The following EPM2A variants were observed in gnomAD, a reference collection of about 807,000 sequenced individuals.
EPM2A encodes the protein laforin.
In EPM2A, 21 loss-of-function variants were observed where a neutral mutation model predicts 26.5. The observed-to-expected ratio is 0.79, with a 90% CI of 0.56 to 1.14. EPM2A has a LOEUF of 1.14. Among genes scored for constraint, EPM2A ranks in the 50% most tolerant of loss-of-function variants. The pLI, the probability that EPM2A is intolerant of heterozygous loss-of-function variation, is 0.00. For synonymous variants in EPM2A, 217 were observed against 177.6 expected, an observed-to-expected ratio of 1.22 and a Z score of -1.76; for missense variants, 458 against 440.8, an observed-to-expected ratio of 1.04 and a Z score of -0.35.
At chr6:145,678,803 G>T (rs1780271632) in intron 2 of EPM2A, among the ~76,000 whole-genome samples, 2 of 152,296 alleles carry the variant, frequency 1.3e-5, no homozygotes, top group South Asian at 4.2e-4. Context: ...CTGTTGGTGG[G>T]AGTGTACATT....
chr6:145,534,825 C>G (rs1158999995), intron 2 of EPM2A, among the ~76,000 whole-genome samples: 1 of 152,162 alleles, frequency 6.6e-6, no homozygotes, highest in African/African-American at 2.4e-5. Flanking sequence ...CTGCATCTGA[C>G]TCTGAGACTA....
intron 4 of EPM2A, among the ~76,000 whole-genome samples, chr6:145,442,326 C>T (rs889530892): frequency 1.3e-5 from 2 of 152,084 alleles, no homozygotes; most frequent in Non-Finnish European, 2.9e-5. Flanking sequence ...TGTATTAGTC[C>T]ATTTTCACAC....
intron 2 of EPM2A, among the ~76,000 whole-genome samples, chr6:145,544,572 C>A (rs1001585595): frequency 2.0e-5 from 3 of 152,172 alleles, no homozygotes; most frequent in Non-Finnish European, 4.4e-5. Context: ...GAAAGCCTGA[C>A]AAACATCCTG....
intron 4 of EPM2A, among the ~76,000 whole-genome samples, chr6:145,445,411 A>C (rs1485755148): frequency 6.6e-6 from 1 of 152,220 alleles, no homozygotes; most frequent in African/African-American, 2.4e-5. Flanking sequence ...TATACATCAA[A>C]ACAAGTAAAT....
intron 1 of EPM2A, among the ~76,000 whole-genome samples, chr6:145,726,870 A>G (rs562556513): frequency 6.6e-6 from 1 of 152,248 alleles, no homozygotes; most frequent in African/African-American, 2.4e-5. Context: ...TATGAATGAA[A>G]TCTGGATCCT....
chr6:145,434,820 T>C lies in EPM2A; in HGVS notation c.556-50723A>G, dbSNP rs562054317. 2.0e-5 allele frequency among the ~76,000 whole-genome samples: 3 copies of C among 152,284 alleles called. No individual in the cohort carries two copies. In the East Asian group the frequency reaches 5.8e-4, roughly 29 times the overall value. On this transcript the variant is annotated intron_variant, in intron 4 of 4. Coordinates refer to the EPM2A transcript ENST00000638717. ...AACCACTGATACAGTTTGGGATTTT[T>C]CCCCTCTAAATCTCATGTTGAAATG...
In EPM2A at chr6:145,669,200, AAAACAAG is replaced by A. The variant is rs371497543; in HGVS notation, c.476+16915_476+16921del. Among the ~76,000 whole-genome samples the A allele has an allele frequency of 5.1e-3, 772 of 152,358 alleles. 4 individuals are homozygous for A. The highest frequency in any genetic ancestry group is 0.018 in the African/African-American group (752 of 41,580). Reference sequence around the variant, plus strand: ...CAGGAAAGGCATTTTACAACTTATCAAAACAAGATAACAAAGAGTTCATGTTTCATAA... The same window carrying A: ...CAGGAAAGGCATTTTACAACTTATCAATAACAAAGAGTTCATGTTTCATAA... On this transcript the variant is annotated intron_variant, in intron 2 of 3. Transcript: ENST00000367519.
intron 4 of EPM2A, among the ~76,000 whole-genome samples, chr6:145,495,551 CAG>C (rs1171925779): frequency 6.6e-6 from 1 of 151,964 alleles, no homozygotes; most frequent in Non-Finnish European, 1.5e-5. Flanking sequence ...GATTGTTTTG[CAG>C]ACTTGTTTAT....
At chr6:145,644,334 T>C (rs1353806822) in intron 2 of EPM2A, among the ~76,000 whole-genome samples, 1 of 152,190 alleles carries the variant, frequency 6.6e-6, no homozygotes, top group African/African-American at 2.4e-5. Context: ...ACCAAATGGT[T>C]GTGTTTACAG....
chr6:145,468,139 A>G (rs901400361), intron 4 of EPM2A, among the ~76,000 whole-genome samples: 1 of 152,066 alleles, frequency 6.6e-6, no homozygotes, highest in Non-Finnish European at 1.5e-5. Flanking sequence ...AGTAGATACT[A>G]TCATATTCTT....
chr6:145,476,612 C>T (rs1374991367), intron 4 of EPM2A, among the ~76,000 whole-genome samples: 1 of 151,940 alleles, frequency 6.6e-6, no homozygotes, highest in African/African-American at 2.4e-5. Context: ...TCTTCTCTCA[C>T]CACAATGGAA....
chr6:145,583,171 G>C (rs917050986), intron 2 of EPM2A, among the ~76,000 whole-genome samples: 4 of 152,100 alleles, frequency 2.6e-5, no homozygotes, highest in Non-Finnish European at 5.9e-5. Flanking sequence ...AGCCATTTGA[G>C]CCTGGTTAAG....
chr6:145,504,282 G>T (rs1378753987), intron 2 of EPM2A, among the ~76,000 whole-genome samples: 3 of 110,728 alleles, frequency 2.7e-5, no homozygotes, highest in Non-Finnish European at 5.8e-5. Flanking sequence ...CATAGCAAAA[G>T]AAACTACCAT....
At chr6:145,650,173 C>T (rs1034134903) in intron 2 of EPM2A, among the ~76,000 whole-genome samples, 2 of 152,162 alleles carry the variant, frequency 1.3e-5, no homozygotes, top group Admixed American at 6.5e-5. Flanking sequence ...AACTTGAAGG[C>T]TTTGGCCCTG....
chr6:145,393,278 C>T (rs1287811404), intron 4 of EPM2A, among the ~76,000 whole-genome samples: 2 of 152,134 alleles, frequency 1.3e-5, no homozygotes, highest in Admixed American at 6.5e-5. Flanking sequence ...TGGCCCTACA[C>T]ATTAAGCAGA....
At chr6:145,726,184 T>C (rs1391188768) in intron 1 of EPM2A, among the ~76,000 whole-genome samples, 52 of 151,980 alleles carry the variant, frequency 3.4e-4, no homozygotes, top group Admixed American at 3.4e-3. Flanking sequence ...TGGGGGGATG[T>C]CAAAGAGACA....
chr6:145,390,746 AT>A (rs988071350), intron 4 of EPM2A, among the ~76,000 whole-genome samples: 3 of 151,974 alleles, frequency 2.0e-5, no homozygotes, highest in South Asian at 2.1e-4. Flanking sequence ...TTTACATCAT[AT>A]TTTTTCTCCC....
chr6:145,547,646 A>G (rs1164237088), intron 2 of EPM2A, among the ~76,000 whole-genome samples: 1 of 152,172 alleles, frequency 6.6e-6, no homozygotes, highest in Non-Finnish European at 1.5e-5. Context: ...TTTACTGTAT[A>G]GGCTACCTTG....
At chr6:145,513,087 G>T (rs1372321776) in intron 2 of EPM2A, among the ~76,000 whole-genome samples, 1 of 152,092 alleles carries the variant, frequency 6.6e-6, no homozygotes, top group African/African-American at 2.4e-5. Context: ...AAAAGTGCCT[G>T]CACAGCAAAG....
Sources: gnomAD v4.1 joint callset for allele counts (sites outside exome capture counted in the v4.1 genomes callset) on GRCh38, gnomAD v4.1.1 for gene constraint, MANE v1.5 for transcripts, NCBI Gene and HGNC (gene_info 2026-07-23, HGNC 2026-07-21) for gene names.